The following N4BP2L2 variants were observed in gnomAD, a reference collection of about 807,000 sequenced individuals.
N4BP2L2 encodes the protein NEDD4 binding protein 2 like 2, also known as NEDD4-binding protein 2-like 2.
Under a neutral mutation model 56.2 loss-of-function variants are expected in N4BP2L2, and 50 were observed. That is an observed-to-expected ratio of 0.89 (90% CI 0.71 to 1.13). The LOEUF is 1.13. N4BP2L2 is among the 50% of genes most tolerant of loss of function. N4BP2L2 has a pLI of 0.00. For missense variants in N4BP2L2, 689 were observed against 693.8 expected (o/e 0.99, Z 0.08); for synonymous variants, 203 against 223.6 (o/e 0.91, Z 0.82).
intron 6 of N4BP2L2, chr13:32,480,523 CA>C (rs1161078421): frequency 1.1e-6 from 1 of 919,024 alleles, no homozygotes; most frequent in Admixed American, 2.9e-5. Context: ...CTTTTTTCTA[CA>C]TAATTTTAAT....
At chr13:32,438,538 G>A (rs1456711524) in intron 8 of N4BP2L2, 3 of 727,092 alleles carry the variant, frequency 4.1e-6, no homozygotes, top group Non-Finnish European at 6.6e-6. Flanking sequence ...GGTGGAGGTT[G>A]TGGTGAGCCA....
chr13:32,525,942 C>G (rs2052596359), intron 3 of N4BP2L2, among the ~76,000 whole-genome samples: 2 of 143,856 alleles, frequency 1.4e-5, no homozygotes, highest in Non-Finnish European at 3.0e-5. Flanking sequence ...GGGAACTTGA[C>G]AGCAGACAGA....
intron 6 of N4BP2L2, among the ~76,000 whole-genome samples, chr13:32,483,688 T>A (rs2139189992): frequency 6.6e-6 from 1 of 152,318 alleles, no homozygotes; most frequent in South Asian, 2.1e-4. Context: ...AAATAATAAT[T>A]TAGTAATTTT....
intron 3 of N4BP2L2, chr13:32,527,161 T>A (rs1376921836): frequency 2.5e-6 from 1 of 400,154 alleles, no homozygotes; most frequent in Non-Finnish European, 4.5e-6. Flanking sequence ...TACCAGCTTA[T>A]ACTGATAAAC....
At chr13:32,520,232 A>G (rs1267688902) in intron 5 of N4BP2L2, among the ~76,000 whole-genome samples, 1 of 152,212 alleles carries the variant, frequency 6.6e-6, no homozygotes, top group Non-Finnish European at 1.5e-5. Context: ...CTCTGTGAAT[A>G]TACAGAAAAA....
In N4BP2L2 at chr13:32,535,547, C is replaced by T. The variant is rs1054648975; in HGVS notation, c.1259+222G>A. On this transcript the variant is annotated intron_variant, in intron 2 of 5. Coordinates refer to ENST00000267068, the Ensembl canonical transcript of N4BP2L2. ...ACATAAAAGCACTTGTCAGTGATTA[C>T]AAGTATCATTATAGTTCTAACATTT... Among the ~76,000 whole-genome samples the T allele has an allele frequency of 2.0e-5, 3 of 152,110 alleles. No homozygotes were observed. The South Asian group carries it at 6.2e-4, about 31-fold the overall frequency.
chr13:32,446,359 C>T, intron 6 of N4BP2L2: 1 of 1,365,320 alleles, frequency 7.3e-7, no homozygotes, highest in Non-Finnish European at 9.8e-7. Flanking sequence ...CCAGTTCTAC[C>T]TGATTCCAGT....
chr13:32,471,309 G>A (rs776806077), intron 6 of N4BP2L2, among the ~76,000 whole-genome samples: 20 of 152,114 alleles, frequency 1.3e-4, no homozygotes, highest in Non-Finnish European at 2.8e-4. Flanking sequence ...GAAATGTAAG[G>A]TATATGGATG....
intron 6 of N4BP2L2, among the ~76,000 whole-genome samples, chr13:32,448,072 T>C (rs899893161): frequency 2.6e-5 from 4 of 152,164 alleles, no homozygotes; most frequent in Admixed American, 6.5e-5. Flanking sequence ...GCCAGAGACA[T>C]GTACCAGTTC....
At chr13:32,518,080 G>T in intron 5 of N4BP2L2, 77 bp from the exon 6 acceptor site, 1 of 1,293,414 alleles carries the variant, frequency 7.7e-7, no homozygotes, top group Non-Finnish European at 1.0e-6. Flanking sequence ...TAGAGAAAAA[G>T]CACACAAATT....
chr13:32,468,962 C>G (rs2081784253), intron 6 of N4BP2L2, among the ~76,000 whole-genome samples: 1 of 152,166 alleles, frequency 6.6e-6, no homozygotes, highest in South Asian at 2.1e-4. Context: ...AGAGCTGGAG[C>G]AGATAGCTGA....
At chr13:32,526,818 GTTTTTTTTT>G (rs35925361) in intron 3 of N4BP2L2, 15 of 24,242 alleles carry the variant, frequency 6.2e-4, no homozygotes, top group East Asian at 1.6e-3. Flanking sequence ...CTTTTTGTCT[GTTTTTTTTT>G]TTTTTTTTTT....
chr13:32,493,524 T>C (rs1566121690), intron 6 of N4BP2L2, among the ~76,000 whole-genome samples: 1 of 152,262 alleles, frequency 6.6e-6, no homozygotes. Flanking sequence ...CGTTTCTTTA[T>C]GCCTATCTGA....
intron 7 of N4BP2L2, among the ~76,000 whole-genome samples, chr13:32,439,007 C>T (rs141424330): frequency 1.2e-3 from 181 of 152,324 alleles, no homozygotes; most frequent in African/African-American, 1.8e-3. Flanking sequence ...CCAAACAAAT[C>T]GCTTCGTAGC....
intron 2 of N4BP2L2, among the ~76,000 whole-genome samples, chr13:32,532,300 G>A (rs1200148349): frequency 4.6e-5 from 7 of 152,034 alleles, no homozygotes; most frequent in African/African-American, 1.7e-4. Context: ...ATTTATTAGG[G>A]GGTAAGAAAG....
intron 6 of N4BP2L2, among the ~76,000 whole-genome samples, chr13:32,503,172 CAAAAAAAAAAAA>C (rs35773755): frequency 5.2e-5 from 3 of 57,996 alleles, no homozygotes; most frequent in East Asian, 5.5e-4. Context: ...GACTCTGTAG[CAAAAAAAAAAAA>C]AAAAAAAAAA....
At chr13:32,510,555 A>G (rs2047890175) in exon 6 of N4BP2L2, 1 of 139,238 alleles carries the variant, frequency 7.2e-6, no homozygotes, top group African/African-American at 2.8e-5. Flanking sequence ...GCTGGAGTGC[A>G]TGGCACCATC....
chr13:32,462,911 C>T (rs187516695), intron 6 of N4BP2L2, among the ~76,000 whole-genome samples: 54 of 146,412 alleles, frequency 3.7e-4, no homozygotes, highest in Admixed American at 3.3e-3. Flanking sequence ...GGCACAGCAG[C>T]GCATGCCTGT....
intron 6 of N4BP2L2, among the ~76,000 whole-genome samples, chr13:32,451,423 G>A (rs2077995102): frequency 6.6e-6 from 1 of 151,738 alleles, no homozygotes; most frequent in African/African-American, 2.4e-5. Flanking sequence ...CAGATCCAGA[G>A]AAATTTTAAA....
Sources: gnomAD v4.1 joint callset for allele counts (sites outside exome capture counted in the v4.1 genomes callset) on GRCh38, gnomAD v4.1.1 for gene constraint, MANE v1.5 for transcripts, NCBI Gene and HGNC (gene_info 2026-07-23, HGNC 2026-07-21) for gene names.